UBE2D2: variants seen among roughly 807,000 people sequenced by gnomAD.
The protein encoded by UBE2D2 is ubiquitin conjugating enzyme E2 D2, also known as ubiquitin-conjugating enzyme E2 D2.
UBE2D2 carries 2 observed loss-of-function variants against 24.2 expected under a neutral mutation model. That is an observed-to-expected ratio of 0.08 (90% confidence interval 0.03 to 0.26). The LOEUF (loss-of-function observed/expected upper bound fraction) is 0.26, where lower values mean the gene tolerates loss of function less well. Ranked by LOEUF, UBE2D2 falls within the 10% of genes least tolerant of loss-of-function variation. UBE2D2 has a pLI of 1.00. For synonymous variants in UBE2D2, 58 were observed against 56.5 expected (o/e 1.03, Z -0.12); for missense variants, 44 against 177.6 (o/e 0.25, Z 4.28).
intron 6 of UBE2D2, among the ~76,000 whole-genome samples, chr5:139,625,668 A>G (rs888238492): frequency 3.3e-5 from 5 of 151,468 alleles, no homozygotes; most frequent in African/African-American, 1.2e-4. Flanking sequence ...GCAGTGGCAC[A>G]ATCTTGGCTC....
At chr5:139,532,353 ATT>A (rs746107839) in intron 1 of UBE2D2, among the ~76,000 whole-genome samples, 2 of 81,254 alleles carry the variant, frequency 2.5e-5, no homozygotes, top group Non-Finnish European at 2.6e-5. Context: ...TAGTTTTCGT[ATT>A]TTTTTTTTTT....
intron 1 of UBE2D2, among the ~76,000 whole-genome samples, chr5:139,584,483 G>A (rs963964879): frequency 1.0e-4 from 15 of 147,680 alleles, no homozygotes; most frequent in Non-Finnish European, 1.8e-4. Flanking sequence ...TTGTTCTCTC[G>A]TGTTTTACAC....
intron 1 of UBE2D2, among the ~76,000 whole-genome samples, chr5:139,565,067 A>G (rs867257480): frequency 5.9e-5 from 9 of 152,056 alleles, no homozygotes; most frequent in African/African-American, 1.2e-4. Flanking sequence ...TTGATCTTGA[A>G]CCTTCCCAAT....
chr5:139,558,077 G>A (rs1484115611), upstream of UBE2D2, among the ~76,000 whole-genome samples: 1 of 151,612 alleles, frequency 6.6e-6, no homozygotes, highest in African/African-American at 2.4e-5. Flanking sequence ...GAGAGACAGT[G>A]ACCCCATCTC....
chr5:139,570,845 C>T (rs1753339408), intron 1 of UBE2D2, among the ~76,000 whole-genome samples: 1 of 151,818 alleles, frequency 6.6e-6, no homozygotes, highest in African/African-American at 2.4e-5. Flanking sequence ...GAGCCACCAC[C>T]CCCGGCTTTC....
chr5:139,551,203 G>A (rs1021709550), intron 1 of UBE2D2, among the ~76,000 whole-genome samples: 3 of 152,100 alleles, frequency 2.0e-5, no homozygotes, highest in African/African-American at 4.8e-5. Flanking sequence ...AAAATTAGCT[G>A]GATGTGGTGG....
rs753547253 is a variant in UBE2D2 at position 139,623,437 on chromosome 5, G to A, written c.374G>A (p.Arg125Gln). The A allele has an allele frequency of 3.7e-6, 6 of 1,602,122 alleles. No homozygotes were observed. The highest frequency in any genetic ancestry group is 2.2e-5 in the South Asian group (2 of 89,984). The change falls in exon 6 of 7, where the codon CGG (arginine) becomes CAG (glutamine). Residue 125 changes from arginine to glutamine, a missense_variant. Coordinates refer to ENST00000398733, the MANE Select transcript of UBE2D2 (RefSeq NM_003339.3). The stretch of plus-strand genomic sequence containing the variant: ...GATCCTTTAGTGCCTGAGATTGCTC[G>A]GATCTACAAAACAGATAGAGAAAAG... ...PDDPLVPEIARIYKTDREKYN... is the reference protein window; with the variant it reads ...PDDPLVPEIAQIYKTDREKYN...
intron 1 of UBE2D2, among the ~76,000 whole-genome samples, chr5:139,587,534 C>A (rs376944631): frequency 1.3e-5 from 2 of 151,984 alleles, no homozygotes; most frequent in African/African-American, 4.8e-5. Flanking sequence ...AAAAAAATAG[C>A]CGGGCGTGGT....
At chr5:139,576,911 A>G (rs1554077975) in intron 1 of UBE2D2, among the ~76,000 whole-genome samples, 3 of 144,326 alleles carry the variant, frequency 2.1e-5, no homozygotes, top group Non-Finnish European at 4.5e-5. Context: ...TTGTTCTGAA[A>G]TATACTCCCA....
At chr5:139,620,713 G>A (rs1211808480) in intron 5 of UBE2D2, among the ~76,000 whole-genome samples, 1 of 152,192 alleles carries the variant, frequency 6.6e-6, no homozygotes, top group Non-Finnish European at 1.5e-5. Flanking sequence ...GATCTCTATA[G>A]GATAGATTTG....
rs560913106 is a variant in UBE2D2 at position 139,535,779 on chromosome 5, T to C, written c.-64+9167T>C. Reference sequence around the variant, plus strand: ...ATTATTATGGAACATCTGCAACATATACAAAGGTAGAGGAAATGTATTACA... The same window carrying C: ...ATTATTATGGAACATCTGCAACATACACAAAGGTAGAGGAAATGTATTACA... On this transcript the variant is annotated intron_variant, in intron 1 of 6. Coordinates refer to the UBE2D2 transcript ENST00000511725. Among the ~76,000 whole-genome samples the C allele has an allele frequency of 2.6e-5, 4 of 152,364 alleles. No homozygotes were observed. In the South Asian group the frequency reaches 8.3e-4, roughly 32 times the overall value.
At chr5:139,625,641 C>T (rs1396673760) in intron 6 of UBE2D2, among the ~76,000 whole-genome samples, 2 of 150,796 alleles carry the variant, frequency 1.3e-5, no homozygotes, top group African/African-American at 2.4e-5. Context: ...AGTCTTGCTC[C>T]GTTGCCCAGG....
chr5:139,576,483 A>G (rs903090393), intron 1 of UBE2D2, among the ~76,000 whole-genome samples: 1 of 151,760 alleles, frequency 6.6e-6, no homozygotes, highest in Non-Finnish European at 1.5e-5. Flanking sequence ...TAACCCAAAG[A>G]TGATTTTTTT....
intron 1 of UBE2D2, among the ~76,000 whole-genome samples, chr5:139,570,356 C>T (rs1000198508): frequency 1.3e-5 from 2 of 152,104 alleles, no homozygotes; most frequent in South Asian, 2.1e-4. Flanking sequence ...TTTTTTCCCC[C>T]GAAACGGAGT....
At chr5:139,599,857 G>A (rs1268827502) in intron 1 of UBE2D2, among the ~76,000 whole-genome samples, 1 of 152,012 alleles carries the variant, frequency 6.6e-6, no homozygotes, top group African/African-American at 2.4e-5. Context: ...AGGCTGGAGT[G>A]CAGTGGTGCA....
intron 1 of UBE2D2, among the ~76,000 whole-genome samples, chr5:139,533,039 C>T (rs1467566819): frequency 6.7e-6 from 1 of 149,388 alleles, no homozygotes; most frequent in African/African-American, 2.5e-5. Context: ...ACCCGGGAGG[C>T]GGAGGTTGCA....
chr5:139,575,059 A>T (rs1753438024), intron 1 of UBE2D2, among the ~76,000 whole-genome samples: 1 of 152,208 alleles, frequency 6.6e-6, no homozygotes, highest in Non-Finnish European at 1.5e-5. Context: ...AGCATTACCC[A>T]CCAATAAAAA....
chr5:139,592,317 A>G (rs1753862049), intron 1 of UBE2D2, among the ~76,000 whole-genome samples: 1 of 152,046 alleles, frequency 6.6e-6, no homozygotes, highest in African/African-American at 2.4e-5. Flanking sequence ...CTTTCCCCTC[A>G]AATCTTCTTG....
At chr5:139,549,995 G>A (rs1193196451) in intron 1 of UBE2D2, among the ~76,000 whole-genome samples, 1 of 152,222 alleles carries the variant, frequency 6.6e-6, no homozygotes, top group Non-Finnish European at 1.5e-5. Flanking sequence ...AGCACTCTGT[G>A]TCTAGCTCAA....
Sources: gnomAD v4.1 joint callset for allele counts (sites outside exome capture counted in the v4.1 genomes callset) on GRCh38, gnomAD v4.1.1 for gene constraint, MANE v1.5 for transcripts, NCBI Gene and HGNC (gene_info 2026-07-23, HGNC 2026-07-21) for gene names.